SYNPR: variants seen among roughly 807,000 people sequenced by gnomAD.
The protein encoded by SYNPR is synaptoporin.
SYNPR carries 23 observed loss-of-function variants against 32.9 expected under a neutral mutation model. The observed-to-expected ratio is 0.70, with a 90% confidence interval of 0.50 to 0.99. The LOEUF is 0.99. Ranked by LOEUF, SYNPR falls within the 50% of genes least tolerant of loss-of-function variation. SYNPR has a pLI of 0.00. For synonymous variants in SYNPR, 146 were observed against 135.9 expected (o/e 1.07, Z -0.52); for missense variants, 318 against 349.3 (o/e 0.91, Z 0.71).
chr3:63,250,482 G>A (rs1329070730), intron 1 of SYNPR, among the ~76,000 whole-genome samples: 1 of 152,074 alleles, frequency 6.6e-6, no homozygotes, highest in Non-Finnish European at 1.5e-5. Flanking sequence ...ATTTCATTAA[G>A]GGAATCCTCA....
At chr3:63,494,479 A>ACACG (rs1559516477) in intron 3 of SYNPR, among the ~76,000 whole-genome samples, 1 of 89,404 alleles carries the variant, frequency 1.1e-5, no homozygotes, top group African/African-American at 5.1e-5. Flanking sequence ...ACATATATAC[A>ACACG]TATATATACA....
chr3:63,387,803 A>G (rs1048941000), intron 2 of SYNPR, among the ~76,000 whole-genome samples: 5 of 152,152 alleles, frequency 3.3e-5, no homozygotes, highest in African/African-American at 1.2e-4. Context: ...GCAGCCTTGA[A>G]GTGCGGGAGA....
Position 63,602,493 on chromosome 3 carries a change from G to C in SYNPR, c.409-6632G>C, listed in dbSNP as rs533563745. On this transcript the variant is annotated intron_variant, in intron 4 of 5. Coordinates refer to ENST00000478300, the MANE Select transcript of SYNPR (RefSeq NM_001130003.2). ...TTTATAGTTTTGGGTTTAAATTTAA[G>C]TCTTTAATCCATCTTGAGTTGTTTT... Among the ~76,000 whole-genome samples the C allele has an allele frequency of 2.6e-5, 4 of 152,100 alleles. No homozygotes were observed. In the South Asian group the frequency reaches 8.3e-4, roughly 31 times the overall value.
intron 4 of SYNPR, among the ~76,000 whole-genome samples, chr3:63,583,262 ACTT>A (rs1164106556): frequency 1.3e-5 from 2 of 151,936 alleles, no homozygotes; most frequent in African/African-American, 2.4e-5. Flanking sequence ...TGGCTGTTTC[ACTT>A]CTTCTGTGGT....
chr3:63,210,262 G>A, the SYNPR span, among the ~76,000 whole-genome samples: 1 of 152,170 alleles, frequency 6.6e-6, no homozygotes, highest in Non-Finnish European at 1.5e-5. Context: ...ACTGTATGCT[G>A]GGTGCTGAGA....
upstream of SYNPR, among the ~76,000 whole-genome samples, chr3:63,277,745 G>C (rs1412624784): frequency 6.6e-6 from 1 of 151,982 alleles, no homozygotes; most frequent in Non-Finnish European, 1.5e-5. Flanking sequence ...CCTGCCCTGT[G>C]CCCATGGCCC....
intron 2 of SYNPR, among the ~76,000 whole-genome samples, chr3:63,356,602 C>T (rs1470081073): frequency 6.6e-6 from 1 of 152,210 alleles, no homozygotes; most frequent in East Asian, 1.9e-4. Context: ...CCTCAGTTCT[C>T]TGTGCCCTCA....
chr3:63,438,824 A>C (rs1185676636), intron 2 of SYNPR, among the ~76,000 whole-genome samples: 1 of 152,204 alleles, frequency 6.6e-6, no homozygotes, highest in Non-Finnish European at 1.5e-5. Context: ...AAAGAGCTGA[A>C]ATTGTTCCTG....
intron 2 of SYNPR, among the ~76,000 whole-genome samples, chr3:63,474,184 A>C (rs1263494603): frequency 1.3e-5 from 2 of 152,140 alleles, no homozygotes; most frequent in Admixed American, 6.5e-5. Flanking sequence ...AGAACATTGG[A>C]GATTTTACCC....
intron 1 of SYNPR, among the ~76,000 whole-genome samples, chr3:63,233,763 C>G (rs894628486): frequency 6.6e-6 from 1 of 152,156 alleles, no homozygotes; most frequent in Non-Finnish European, 1.5e-5. Context: ...TCTCTATAAG[C>G]CACTTTCCTC....
intron 4 of SYNPR, among the ~76,000 whole-genome samples, chr3:63,595,831 A>AAT (rs1699943597): frequency 3.5e-5 from 2 of 57,940 alleles, no homozygotes; most frequent in African/African-American, 1.6e-4. Context: ...ATATATATAT[A>AAT]GTTATATATA....
At chr3:63,461,043 GT>G (rs553692255) in intron 2 of SYNPR, among the ~76,000 whole-genome samples, 13 of 148,466 alleles carry the variant, frequency 8.8e-5, no homozygotes, top group East Asian at 4.0e-4. Flanking sequence ...TCTCAGGTTT[GT>G]TTTTTTTTTA....
At chr3:63,522,196 T>C (rs972578736) in intron 3 of SYNPR, among the ~76,000 whole-genome samples, 1 of 152,202 alleles carries the variant, frequency 6.6e-6, no homozygotes, top group African/African-American at 2.4e-5. Context: ...GCGGTTGTTA[T>C]CAATTGCTCT....
At chr3:63,562,163 T>G (rs929200339) in intron 4 of SYNPR, among the ~76,000 whole-genome samples, 17 of 152,200 alleles carry the variant, frequency 1.1e-4, no homozygotes, top group African/African-American at 3.4e-4. Flanking sequence ...CCTTATAGTT[T>G]TAAAAGCCAA....
intron 1 of SYNPR, among the ~76,000 whole-genome samples, chr3:63,244,199 GA>G (rs1560166593): frequency 6.6e-6 from 1 of 152,052 alleles, no homozygotes; most frequent in Non-Finnish European, 1.5e-5. Flanking sequence ...TGGAGGTAGA[GA>G]CCAACCTGAA....
At chr3:63,398,803 A>G (rs2088252407) in intron 2 of SYNPR, among the ~76,000 whole-genome samples, 1 of 152,208 alleles carries the variant, frequency 6.6e-6, no homozygotes, top group Admixed American at 6.5e-5. Flanking sequence ...GGGAGAATCT[A>G]AACCACAGTC....
At chr3:63,265,272 G>C (rs1422692591) in intron 2 of SYNPR, among the ~76,000 whole-genome samples, 1 of 71,200 alleles carries the variant, frequency 1.4e-5, no homozygotes, top group African/African-American at 5.1e-5. Context: ...TTTTTTCTGA[G>C]ATGGAGTCTC....
chr3:63,266,712 A>AAAAAAAC (rs1298164779), intron 2 of SYNPR, among the ~76,000 whole-genome samples: 27 of 149,680 alleles, frequency 1.8e-4, no homozygotes, highest in Admixed American at 1.7e-3. Flanking sequence ...CGTCTCAAAA[A>AAAAAAAC]AAAAAACACA....
intron 4 of SYNPR, among the ~76,000 whole-genome samples, chr3:63,565,787 C>T (rs948666762): frequency 5.9e-5 from 9 of 152,152 alleles, no homozygotes; most frequent in African/African-American, 1.4e-4. Flanking sequence ...TTAGCTTAGA[C>T]GTTGCTTCAT....
Sources: allele counts gnomAD v4.1 joint callset (sites outside exome capture counted in the v4.1 genomes callset), GRCh38; gene constraint gnomAD v4.1.1; transcripts MANE v1.5; gene names NCBI Gene and HGNC (gene_info 2026-07-23, HGNC 2026-07-21).